The following SYNDIG1L variants were observed in gnomAD, a reference collection of about 807,000 sequenced individuals.
The protein encoded by SYNDIG1L is synapse differentiation-inducing gene protein 1-like.
In SYNDIG1L, 13 loss-of-function variants were observed where a neutral mutation model predicts 20.1. The observed-to-expected ratio is 0.65, with a 90% confidence interval of 0.42 to 1.03. The LOEUF (loss-of-function observed/expected upper bound fraction) is 1.03, where lower values mean the gene tolerates loss of function less well. SYNDIG1L is among the 50% of genes least tolerant of loss of function. SYNDIG1L has a pLI of 0.00. For synonymous variants in SYNDIG1L, 128 were observed against 129.3 expected, an observed-to-expected ratio of 0.99 and a Z score of 0.07; for missense variants, 294 against 305.1, an observed-to-expected ratio of 0.96 and a Z score of 0.27.
the SYNDIG1L span, among the ~76,000 whole-genome samples, chr14:74,451,219 C>T: frequency 1.3e-5 from 2 of 152,062 alleles, no homozygotes; most frequent in Non-Finnish European, 2.9e-5. Context: ...GGCATCAAGA[C>T]AGAAAAATAG....
rs1208703639 is a variant in SYNDIG1L at position 74,409,445 on chromosome 14, C to T, written c.300G>A (p.Gly100=). 5.6e-6 allele frequency: 9 copies of T among 1,613,776 alleles called. No homozygotes were observed. Among genetic ancestry groups the T allele is most frequent in the Admixed American group, 1.7e-5 (1 of 59,988 alleles). ...SFTEDREPQE[G]PPEQPTGPGQ... ...CAGGTCCTGTGGGCTGCTCTGGAGG[C>T]CCCTCCTGGGGCTCCCTGTCCTCTG... is the stretch of plus-strand genomic sequence containing the variant. Residue 100 remains glycine (G), a synonymous_variant, in exon 2 of 4, where the codon GGG becomes GGA. Transcript: ENST00000331628.
the SYNDIG1L span, among the ~76,000 whole-genome samples, chr14:74,465,142 T>C: frequency 6.6e-6 from 1 of 152,154 alleles, no homozygotes; most frequent in Non-Finnish European, 1.5e-5. Context: ...TCGGATGGTG[T>C]CTGTCTCTGA....
intron 1 of SYNDIG1L, among the ~76,000 whole-genome samples, chr14:74,418,264 C>T (rs538298631): frequency 7.9e-5 from 12 of 152,292 alleles, no homozygotes; most frequent in African/African-American, 2.6e-4. Context: ...CAGCTTGCTG[C>T]ATTTGAGAAT....
At chr14:74,417,109 T>C (rs1166818837) in intron 1 of SYNDIG1L, among the ~76,000 whole-genome samples, 1 of 152,190 alleles carries the variant, frequency 6.6e-6, no homozygotes, top group Admixed American at 6.5e-5. Flanking sequence ...CTTTAACATG[T>C]GGGGAAACTG....
chr14:74,469,601 G>A, the SYNDIG1L span, among the ~76,000 whole-genome samples: 17 of 152,220 alleles, frequency 1.1e-4, no homozygotes, highest in Admixed American at 5.2e-4. Context: ...GCCTGAAGTT[G>A]TAGATGAGGT....
At position 74,407,616 on chromosome 14, in the gene SYNDIG1L, G is replaced by C; in HGVS notation, c.636C>G (p.Leu212=). 6.2e-7 allele frequency: 1 copy of C among 1,614,036 alleles called. No individual in the cohort carries two copies. The highest frequency in any genetic ancestry group is 8.5e-7 in the Non-Finnish European group (1 of 1,179,914). ...TSRRALFLAT[L]AIAVGAGLYV... ...AGAGACCGGCCCCCACGGCGATGGC[G>C]AGTGTGGCTAGGAAGAGGGCCCGGC... Residue 212 remains leucine (L), a synonymous_variant, in exon 4 of 4, where the codon CTC becomes CTG. Transcript: ENST00000331628.
rs527392523 is a variant in SYNDIG1L at position 74,408,215 on chromosome 14, A to G, written c.418-226T>C. On this transcript the variant is annotated intron_variant, in intron 2 of 3. Transcript: ENST00000331628. ...GGAATTTATCACGAGGAAAGAAGGT[A>G]AATACCTACATCCAGGGTTGTTCAT... 2.1e-4 allele frequency among the ~76,000 whole-genome samples: 32 copies of G among 152,320 alleles called. No individual in the cohort carries two copies. In the East Asian group the frequency reaches 5.8e-3, roughly 28 times the overall value.
intron 1 of SYNDIG1L, among the ~76,000 whole-genome samples, chr14:74,416,440 C>A (rs61116260): frequency 0.12 from 17,981 of 151,934 alleles, 2,328 homozygotes; most frequent in African/African-American, 0.32. Flanking sequence ...TCAAGACCAG[C>A]CTGGGCGATA....
At chr14:74,419,719 T>C (rs1363765906) in intron 1 of SYNDIG1L, among the ~76,000 whole-genome samples, 1 of 152,044 alleles carries the variant, frequency 6.6e-6, no homozygotes, top group Non-Finnish European at 1.5e-5. Context: ...GGGATGGCAG[T>C]GAAGGTGATG....
chr14:74,444,557 C>T, the SYNDIG1L span, among the ~76,000 whole-genome samples: 2 of 151,632 alleles, frequency 1.3e-5, no homozygotes, highest in African/African-American at 4.8e-5. Context: ...TCGAGATAAG[C>T]CTGAACAACA....
At chr14:74,470,276 C>A in the SYNDIG1L span, among the ~76,000 whole-genome samples, 1 of 152,156 alleles carries the variant, frequency 6.6e-6, no homozygotes, top group African/African-American at 2.4e-5. Flanking sequence ...CTGGCCCCTG[C>A]TTCCAAGCCA....
chr14:74,414,686 G>T (rs1373702146), intron 1 of SYNDIG1L, among the ~76,000 whole-genome samples: 3 of 152,148 alleles, frequency 2.0e-5, no homozygotes, highest in Non-Finnish European at 4.4e-5. Flanking sequence ...ATTTTATTGG[G>T]AGAAGAAGAA....
the SYNDIG1L span, among the ~76,000 whole-genome samples, chr14:74,449,438 C>CAAAAAA: frequency 0.036 from 1,230 of 34,018 alleles, 394 homozygotes; most frequent in Non-Finnish European, 0.054. Flanking sequence ...CCTGTCTTTA[C>CAAAAAA]AAAAAAAAAA....
the SYNDIG1L span, among the ~76,000 whole-genome samples, chr14:74,440,427 T>G: frequency 1.3e-5 from 2 of 150,156 alleles, no homozygotes; most frequent in Non-Finnish European, 2.9e-5. Context: ...GACAGGAGAA[T>G]GGCGTGAACC....
intron 1 of SYNDIG1L, among the ~76,000 whole-genome samples, chr14:74,412,650 C>T (rs2086140821): frequency 6.6e-6 from 1 of 152,182 alleles, no homozygotes; most frequent in African/African-American, 2.4e-5. Flanking sequence ...CCTACCATAG[C>T]CCCTTGAGCA....
the SYNDIG1L span, among the ~76,000 whole-genome samples, chr14:74,468,775 T>C: frequency 1.0e-3 from 158 of 152,284 alleles, 3 homozygotes; most frequent in Middle Eastern, 6.8e-3. Flanking sequence ...TTTCTGTAGA[T>C]AGCTTTACCT....
the SYNDIG1L span, among the ~76,000 whole-genome samples, chr14:74,468,780 T>G: frequency 6.6e-6 from 1 of 152,104 alleles, no homozygotes; most frequent in South Asian, 2.1e-4. Flanking sequence ...GTAGATAGCT[T>G]TACCTCCTCC....
chr14:74,414,209 C>A (rs188925475), intron 1 of SYNDIG1L, among the ~76,000 whole-genome samples: 24 of 152,306 alleles, frequency 1.6e-4, no homozygotes, highest in African/African-American at 5.8e-4. Flanking sequence ...TGAGTGTGCC[C>A]ACACTCGTGT....
intron 1 of SYNDIG1L, among the ~76,000 whole-genome samples, chr14:74,413,268 CT>C (rs1386756310): frequency 2.6e-5 from 4 of 152,200 alleles, no homozygotes; most frequent in Admixed American, 2.0e-4. Context: ...CTGATGGTGC[CT>C]TTAAGCAGGG....
Sources: gnomAD v4.1 joint callset for allele counts (sites outside exome capture counted in the v4.1 genomes callset) on GRCh38, gnomAD v4.1.1 for gene constraint, MANE v1.5 for transcripts, NCBI Gene and HGNC (gene_info 2026-07-23, HGNC 2026-07-21) for gene names.